The following CYP4F2 variants were observed in gnomAD, a reference collection of about 807,000 sequenced individuals.
The protein encoded by CYP4F2 is cytochrome P450 family 4 subfamily F member 2.
A neutral mutation model predicts 58.9 loss-of-function variants in CYP4F2; 58 were observed. The ratio of observed to expected loss-of-function variants is 0.98; its 90% CI spans 0.80 to 1.23. The LOEUF (loss-of-function observed/expected upper bound fraction) is 1.23, where lower values mean the gene tolerates loss of function less well. Among genes scored for constraint, CYP4F2 ranks in the 50% most tolerant of loss-of-function variants. The pLI is 0.00. For missense variants in CYP4F2, 616 were observed against 685.6 expected (o/e 0.90, Z 1.13); for synonymous variants, 287 against 261.1 (o/e 1.10, Z -0.95).
chr19:15,897,342 C>G, intron 2 of CYP4F2, 72 bp downstream of exon 2: 1 of 1,397,150 alleles, frequency 7.2e-7, no homozygotes, highest in South Asian at 1.2e-5. Context: ...TTCACCCCCA[C>G]TCCCTAAGCC....
In CYP4F2 at chr19:15,886,237, C is replaced by T. The variant is rs1476502831; in HGVS notation, c.985+5G>A. The T allele has an allele frequency of 1.2e-6, 2 of 1,613,964 alleles. No homozygotes were observed. The highest frequency in any genetic ancestry group is 2.7e-5 in the African/African-American group (2 of 74,894). On this transcript the variant is annotated splice_donor_5th_base_variant and intron_variant, in intron 8 of 12. Transcript: ENST00000221700. ...CCCTCTCTAGCCCCACACTGGGGCC[C>T]TCACCCTCAAACATAAAGGTGTCAG...
chr19:15,890,339 A>T lies in CYP4F2; in HGVS notation c.620T>A (p.Val207Asp). Residue 207 changes from valine (V) to aspartate (D), a missense_variant, in exon 6 of 13, where the codon GTC becomes GAC. Physicochemically the swap from Val to Asp is radical, Grantham distance 152. Coordinates refer to ENST00000221700, the MANE Select transcript of CYP4F2 (RefSeq NM_001082.5). ...LMTLDSLQKC[V>D]FSFDSHCQEK... ...CTGACAATGGCTGTCAAAGCTGAAG[A>T]CACATTTCTGTAGACTGTCCAAGGT... 6.2e-7 allele frequency: 1 copy of T among 1,614,030 alleles called. No individual in the cohort carries two copies. Among genetic ancestry groups the T allele is most frequent in the Non-Finnish European group, 8.5e-7 (1 of 1,179,914 alleles).
chr19:15,881,505 CAG>C (rs995052280), intron 9 of CYP4F2, among the ~76,000 whole-genome samples: 13 of 150,704 alleles, frequency 8.6e-5, no homozygotes, highest in Middle Eastern at 3.4e-3. Flanking sequence ...ATGATAGAAA[CAG>C]AGATACATAG....
In CYP4F2 at chr19:15,890,414, G is replaced by T. The variant is rs1269754567; in HGVS notation, c.545C>A (p.Ala182Asp). Residue 182 changes from alanine to aspartate, a missense_variant, in exon 6 of 13, where the codon GCC (alanine) becomes GAC (aspartate). Coordinates refer to ENST00000221700, the MANE Select transcript of CYP4F2 (RefSeq NM_001082.5). ...NIMHAKWQLL[A>D]SEGSACLDMF... ...ATCCAAACAGGCACTACCCTCTGAG[G>T]CCAGGAGCTGCCACTTGGCCTAGCC... 1 of 1,613,934 alleles carries T rather than the reference G, an allele frequency of 6.2e-7. No individual in the cohort carries two copies. The highest frequency in any genetic ancestry group is 8.5e-7 in the Non-Finnish European group (1 of 1,179,978).
Position 15,895,666 on chromosome 19 carries a change from G to A in CYP4F2, c.199-16C>T. The A allele has an allele frequency of 6.3e-7, 1 of 1,587,348 alleles. No homozygotes were observed. The highest frequency in any genetic ancestry group is 8.6e-7 in the Non-Finnish European group (1 of 1,169,580). On this transcript the variant is annotated splice_polypyrimidine_tract_variant and intron_variant, in intron 2 of 12. Coordinates refer to ENST00000221700, the MANE Select transcript of CYP4F2 (RefSeq NM_001082.5). ...TGGGGTTGACCTGCAAGCAAGGCAG[G>A]GGTCATTACCTTCTGTGATAGTTAA...
At chr19:15,891,880 G>T (rs72999334) in intron 5 of CYP4F2, among the ~76,000 whole-genome samples, 5 of 152,274 alleles carry the variant, frequency 3.3e-5, no homozygotes, top group African/African-American at 7.2e-5. Flanking sequence ...CTGACCCCCA[G>T]CTGCTCATGT....
chr19:15,878,648 A>G lies in CYP4F2; in HGVS notation c.*123T>C, dbSNP rs1445666644. The stretch of plus-strand genomic sequence containing the variant: ...TTCTGTTTGAACACTTGTCTCAATT[A>G]TTTTGAGTAGATATCTAGGATGGAA... On this transcript the variant is annotated 3_prime_UTR_variant, in exon 13 of 13. Coordinates refer to ENST00000221700, the MANE Select transcript of CYP4F2 (RefSeq NM_001082.5). 8.1e-7 allele frequency: 1 copy of G among 1,233,174 alleles called. No individual in the cohort carries two copies. Among genetic ancestry groups the G allele is most frequent in the African/African-American group, 1.5e-5 (1 of 65,964 alleles). 76.4% of individuals were successfully genotyped at this position (1,233,174 alleles called of 1,614,324 possible).
rs773953520 is a variant in CYP4F2, at chr19:15,879,834, G to A, written c.1179C>T (p.Pro393=). The A allele has an allele frequency of 1.2e-6, 2 of 1,614,148 alleles. No individual in the cohort carries two copies. The highest frequency in any genetic ancestry group is 2.2e-5 in the East Asian group (1 of 44,870). The change falls in exon 10 of 13, where the codon CCC becomes CCT. Residue 393 remains proline, a synonymous_variant. Coordinates refer to ENST00000221700, the MANE Select transcript of CYP4F2 (RefSeq NM_001082.5). ...CATGGCGGGAGATGACCGGGACTGG[G>A]GGATGCAGCCGCAGGCTCTCCTTCA... ...MCMKESLRLH[P]PVPVISRHVT...
At chr19:15,881,467 G>A (rs1455097875) in intron 9 of CYP4F2, among the ~76,000 whole-genome samples, 1 of 152,050 alleles carries the variant, frequency 6.6e-6, no homozygotes, top group Non-Finnish European at 1.5e-5. Flanking sequence ...GATATAGAGA[G>A]ATAGAGAATA....
chr19:15,879,550 C>T, intron 11 of CYP4F2, 54 bp downstream of exon 11: 1 of 1,610,876 alleles, frequency 6.2e-7, no homozygotes, highest in South Asian at 1.1e-5. Flanking sequence ...CAAAACCCTG[C>T]CCCCTCCTCT....
At chr19:15,893,508 A>G (rs1002857923) in intron 3 of CYP4F2, among the ~76,000 whole-genome samples, 20 of 152,196 alleles carry the variant, frequency 1.3e-4, no homozygotes. Context: ...TGTAACCAGG[A>G]CCCAGGTGTA....
chr19:15,888,783 TAGACATAGCCATAGACGA>T (rs2089398362), intron 7 of CYP4F2, among the ~76,000 whole-genome samples: 1 of 152,000 alleles, frequency 6.6e-6, no homozygotes, highest in African/African-American at 2.4e-5. Flanking sequence ...AGCATTGACA[TAGACATAGCCATAGACGA>T]AGACATAGTC....
chr19:15,887,737 GACAC>G (rs1356934486), intron 7 of CYP4F2, among the ~76,000 whole-genome samples: 1 of 150,928 alleles, frequency 6.6e-6, no homozygotes, highest in Non-Finnish European at 1.5e-5. Flanking sequence ...TAGAAACACA[GACAC>G]ACAAATACAC....
intron 3 of CYP4F2, 109 bp downstream of exon 3, chr19:15,895,397 G>A (rs2089441462): frequency 2.3e-6 from 3 of 1,320,532 alleles, no homozygotes; most frequent in Admixed American, 6.0e-5. Flanking sequence ...AGATAGCTGA[G>A]AGGGAAGGAA....
At chr19:15,882,829 A>G (rs2089353588) in intron 9 of CYP4F2, among the ~76,000 whole-genome samples, 1 of 152,238 alleles carries the variant, frequency 6.6e-6, no homozygotes, top group Non-Finnish European at 1.5e-5. Context: ...CTTTACAAAG[A>G]AAAACACAGT....
At chr19:15,897,349 AGCCTCGT>A in intron 2 of CYP4F2, 58 bp downstream of exon 2, 3 of 1,511,890 alleles carry the variant, frequency 2.0e-6, no homozygotes, top group Non-Finnish European at 2.7e-6. Flanking sequence ...CCACTCCCTA[AGCCTCGT>A]ACCCCTCAGG....
intron 7 of CYP4F2, among the ~76,000 whole-genome samples, chr19:15,887,585 CAT>C (rs1239441587): frequency 6.6e-6 from 1 of 151,484 alleles, no homozygotes; most frequent in Non-Finnish European, 1.5e-5. Flanking sequence ...TAAACCTAGA[CAT>C]AGACACAGAT....
chr19:15,895,396 A>T, intron 3 of CYP4F2, 110 bp downstream of exon 3: 1 of 1,311,576 alleles, frequency 7.6e-7, no homozygotes, highest in Non-Finnish European at 1.0e-6. Context: ...AAGATAGCTG[A>T]GAGGGAAGGA....
At chr19:15,897,079 C>T (rs1210175201) in intron 2 of CYP4F2, among the ~76,000 whole-genome samples, 1 of 152,144 alleles carries the variant, frequency 6.6e-6, no homozygotes, top group Non-Finnish European at 1.5e-5. Flanking sequence ...GCATAAGAAG[C>T]CTCGAGTCCA....
Sources: allele counts gnomAD v4.1 joint callset (sites outside exome capture counted in the v4.1 genomes callset), GRCh38; gene constraint gnomAD v4.1.1; transcripts MANE v1.5; gene names NCBI Gene and HGNC (gene_info 2026-07-23, HGNC 2026-07-21).